MAP3K20: variants seen among roughly 807,000 people sequenced by gnomAD.
The protein encoded by MAP3K20 is HCCS-4.
A neutral mutation model predicts 85.7 loss-of-function variants in MAP3K20; 40 were observed. The ratio of observed to expected loss-of-function variants is 0.47; its 90% confidence interval spans 0.36 to 0.61. The LOEUF is 0.61. Among genes scored for constraint, MAP3K20 ranks in the 20% least tolerant of loss-of-function variants. MAP3K20 has a pLI of 0.00. For synonymous variants in MAP3K20, 325 were observed against 327.7 expected, an observed-to-expected ratio of 0.99 and a Z score of 0.09; for missense variants, 817 against 961.7, an observed-to-expected ratio of 0.85 and a Z score of 1.99.
chr2:173,158,725 G>C (rs1337170051), intron 2 of MAP3K20, among the ~76,000 whole-genome samples: 1 of 152,212 alleles, frequency 6.6e-6, no homozygotes, highest in Non-Finnish European at 1.5e-5. Flanking sequence ...ACTTAGCATT[G>C]GTGGAGCAAC....
intron 2 of MAP3K20, among the ~76,000 whole-genome samples, chr2:173,101,912 G>A (rs76353190): frequency 0.067 from 10,141 of 152,116 alleles, 984 homozygotes; most frequent in East Asian, 0.54. Flanking sequence ...TCCAGTTTCT[G>A]TTTGAACACT....
rs185752704 is a variant in MAP3K20 at position 173,170,015 on chromosome 2, T to C, written c.247+123T>C. 85 of 865,982 alleles carry C rather than the reference T, an allele frequency of 9.8e-5. No homozygotes were observed. The Admixed American group carries it at 2.1e-3, about 21-fold the overall frequency. 53.6% of individuals were successfully genotyped at this position (865,982 alleles called of 1,614,324 possible). On this transcript the variant is annotated intron_variant, in intron 3 of 19. Coordinates refer to ENST00000375213, the MANE Select transcript of MAP3K20 (RefSeq NM_016653.3). ...GTGTGTTACTGTCAGATGTCACTTT[T>C]GTTGCTATAAAGCATTAATAAAACT...
intron 2 of MAP3K20, among the ~76,000 whole-genome samples, chr2:173,144,442 A>G (rs1221659593): frequency 7.7e-5 from 11 of 143,094 alleles, no homozygotes; most frequent in South Asian, 2.3e-4. Flanking sequence ...CAGCCTGGGC[A>G]ACAGAGGGAG....
At chr2:173,138,011 A>G (rs67683956) in intron 2 of MAP3K20, among the ~76,000 whole-genome samples, 53,277 of 151,996 alleles carry the variant, frequency 0.35, 10,102 homozygotes, top group Non-Finnish European at 0.43. Flanking sequence ...TGTCGCCTAG[A>G]CTGGAGTGTG....
chr2:173,077,326 T>TAGTGATTCAAGG (rs1686892082), intron 1 of MAP3K20, among the ~76,000 whole-genome samples: 1 of 151,014 alleles, frequency 6.6e-6, no homozygotes, highest in Admixed American at 6.6e-5. Context: ...GTTAATGTCC[T>TAGTGATTCAAGG]CTTTGTAGTA....
chr2:173,086,691 G>A (rs991187995), intron 1 of MAP3K20, among the ~76,000 whole-genome samples: 1 of 152,210 alleles, frequency 6.6e-6, no homozygotes, highest in Admixed American at 6.5e-5. Flanking sequence ...GCTTCTCAAA[G>A]GTCAGCCTTT....
chr2:173,113,839 C>T lies in MAP3K20; in HGVS notation c.159+22649C>T, dbSNP rs1688043209. 1.3e-5 allele frequency among the ~76,000 whole-genome samples: 2 copies of T among 152,064 alleles called. 1 individual carries two copies. Among genetic ancestry groups the T allele is most frequent in the South Asian group, 4.1e-4 (2 of 4,826 alleles). Reference sequence around the variant, plus strand: ...TCTATCTTGGAGAAAGTTCCATACACTGTTGAATAAAATGTGTATTTTGGG... The same window carrying T: ...TCTATCTTGGAGAAAGTTCCATACATTGTTGAATAAAATGTGTATTTTGGG... On this transcript the variant is annotated intron_variant, in intron 2 of 19. Coordinates refer to ENST00000375213, the MANE Select transcript of MAP3K20 (RefSeq NM_016653.3).
At position 173,263,898 on chromosome 2, in the gene MAP3K20, AAGTT is replaced by A. The variant is rs755346118; in HGVS notation, c.1702+7_1702+10del. On this transcript the variant is annotated splice_donor_5th_base_variant and intron_variant, in intron 19 of 19. Coordinates refer to ENST00000375213, the MANE Select transcript of MAP3K20 (RefSeq NM_016653.3). ...CCCTGGAAGCAGGTCCGACTCAAGT[AAGTT>A]AGTGTTCCCGTATTAGATGTGTGCT... 4.4e-5 allele frequency: 70 copies of A among 1,605,070 alleles called. No homozygotes were observed. Among genetic ancestry groups the A allele is most frequent in the East Asian group, 8.9e-5 (4 of 44,824 alleles).
chr2:173,146,571 A>T (rs1689143437), intron 2 of MAP3K20, among the ~76,000 whole-genome samples: 1 of 152,204 alleles, frequency 6.6e-6, no homozygotes, highest in South Asian at 2.1e-4. Flanking sequence ...GTTCTCCTCA[A>T]GTCCCCAACC....
At chr2:173,134,405 TA>T (rs1688721047) in intron 2 of MAP3K20, among the ~76,000 whole-genome samples, 5 of 9,716 alleles carry the variant, frequency 5.1e-4, no homozygotes, top group Non-Finnish European at 1.0e-3. Context: ...TATATATATA[TA>T]TATATATATA....
chr2:173,225,684 T>A (rs1355648110), intron 11 of MAP3K20: 31 of 984,994 alleles, frequency 3.1e-5, no homozygotes, highest in Non-Finnish European at 3.7e-5. Context: ...TAGAGTTTCG[T>A]CTCTAATTAT....
chr2:173,227,237 A>G, intron 11 of MAP3K20: 4 of 630,230 alleles, frequency 6.3e-6, no homozygotes, highest in Non-Finnish European at 5.9e-6. Context: ...ACGCATGCAA[A>G]CAAGTGTTAG....
intron 3 of MAP3K20, 40 bp downstream of exon 3, chr2:173,169,932 C>T (rs1164752456): frequency 6.4e-7 from 1 of 1,570,722 alleles, no homozygotes; most frequent in Non-Finnish European, 8.8e-7. Context: ...TTTCCAATTA[C>T]CTAGCTTTAG....
chr2:173,255,747 G>A (rs553831803), intron 16 of MAP3K20, among the ~76,000 whole-genome samples: 1 of 152,336 alleles, frequency 6.6e-6, no homozygotes, highest in South Asian at 2.1e-4. Context: ...TCTTTTGACT[G>A]TGCTTTTGAC....
At chr2:173,169,946 C>T in intron 3 of MAP3K20, 54 bp downstream of exon 3, 1 of 1,487,636 alleles carries the variant, frequency 6.7e-7, no homozygotes, top group Non-Finnish European at 9.4e-7. Context: ...GCTTTAGATT[C>T]CTTAATATGC....
intron 2 of MAP3K20, among the ~76,000 whole-genome samples, chr2:173,138,932 G>A (rs573447479): frequency 7.2e-5 from 11 of 152,264 alleles, no homozygotes; most frequent in South Asian, 2.1e-4. Context: ...CAGACACTGC[G>A]AATTCTGTAT....
chr2:173,109,747 C>T lies in MAP3K20; in HGVS notation c.159+18557C>T, dbSNP rs370910396. ...GGCACTGGCGCCAGGTAGAAGGGCC[C>T]GCTATTTGTGTCTACAAACAAAAAG... is the stretch of plus-strand genomic sequence containing the variant. On this transcript the variant is annotated intron_variant, in intron 2 of 19. Coordinates refer to ENST00000375213, the MANE Select transcript of MAP3K20 (RefSeq NM_016653.3). 2.1e-3 allele frequency among the ~76,000 whole-genome samples: 327 copies of T among 152,128 alleles called. 1 individual carries two copies. The highest frequency in any genetic ancestry group is 2.1e-3 in the Admixed American group (32 of 15,280).
intron 1 of MAP3K20, among the ~76,000 whole-genome samples, chr2:173,081,490 A>G (rs549577092): frequency 6.6e-6 from 1 of 152,282 alleles, no homozygotes; most frequent in Non-Finnish European, 1.5e-5. Flanking sequence ...GCAGCCCAAT[A>G]CTGCATGGGG....
At chr2:173,263,978 G>C in intron 19 of MAP3K20, 83 bp downstream of exon 19, 1 of 1,505,234 alleles carries the variant, frequency 6.6e-7, no homozygotes, top group Non-Finnish European at 8.9e-7. Flanking sequence ...AAGACTCAGA[G>C]GATACCACCT....
Sources: gnomAD v4.1 joint callset for allele counts (sites outside exome capture counted in the v4.1 genomes callset) on GRCh38, gnomAD v4.1.1 for gene constraint, MANE v1.5 for transcripts, NCBI Gene and HGNC (gene_info 2026-07-23, HGNC 2026-07-21) for gene names.